WARS2: variants seen among roughly 807,000 people sequenced by gnomAD.
WARS2 encodes the protein tryptophan--tRNA ligase, mitochondrial.
A neutral mutation model predicts 36.5 loss-of-function variants in WARS2; 28 were observed. The observed-to-expected ratio is 0.77, with a 90% CI of 0.57 to 1.05. The LOEUF (loss-of-function observed/expected upper bound fraction) is 1.05. Ranked by LOEUF, WARS2 falls within the 50% of genes least tolerant of loss-of-function variation. WARS2 has a pLI of 0.00. For synonymous variants in WARS2, 174 were observed against 178.4 expected (o/e 0.98, Z 0.20); for missense variants, 435 against 456.8 (o/e 0.95, Z 0.44).
intron 1 of WARS2, among the ~76,000 whole-genome samples, chr1:119,130,489 A>G (rs1040406308): frequency 6.6e-6 from 1 of 152,220 alleles, no homozygotes; most frequent in African/African-American, 2.4e-5. Context: ...TGAAATTCAT[A>G]CCCTCTCAGA....
intron 1 of WARS2, among the ~76,000 whole-genome samples, chr1:119,119,274 A>G (rs1436132816): frequency 2.6e-5 from 4 of 152,140 alleles, no homozygotes; most frequent in Non-Finnish European, 5.9e-5. Flanking sequence ...GGTAGCTATT[A>G]TATCAGACAA....
intron 2 of WARS2, among the ~76,000 whole-genome samples, chr1:119,055,122 G>A (rs1366951307): frequency 3.3e-5 from 5 of 152,110 alleles, no homozygotes; most frequent in Non-Finnish European, 5.9e-5. Context: ...GGAAAAAATG[G>A]TAAATTTTAT....
At chr1:119,127,238 CTT>C (rs1225082793) in intron 1 of WARS2, 1 of 768,036 alleles carries the variant, frequency 1.3e-6, no homozygotes, top group Non-Finnish European at 2.3e-6. Flanking sequence ...CCACTTTCTT[CTT>C]GGCTCCCTTT....
chr1:119,120,558 C>T (rs112005847), intron 1 of WARS2, among the ~76,000 whole-genome samples: 69 of 151,968 alleles, frequency 4.5e-4, no homozygotes, highest in African/African-American at 1.5e-3. Flanking sequence ...ATGAAAACAT[C>T]ATTACCCTAA....
At chr1:119,094,463 T>A (rs1015096855) in intron 1 of WARS2, among the ~76,000 whole-genome samples, 3 of 152,082 alleles carry the variant, frequency 2.0e-5, no homozygotes, top group Admixed American at 6.6e-5. Flanking sequence ...GTTTTTTTTT[T>A]AAATAAGCAG....
intron 1 of WARS2, among the ~76,000 whole-genome samples, chr1:119,115,479 G>A (rs587677894): frequency 2.4e-3 from 370 of 152,216 alleles, no homozygotes; most frequent in Non-Finnish European, 4.4e-3. Flanking sequence ...TTGATGCCCT[G>A]ACATGTTATT....
chr1:119,068,171 A>G (rs1381263841), intron 2 of WARS2, among the ~76,000 whole-genome samples: 1 of 152,210 alleles, frequency 6.6e-6, no homozygotes, highest in African/African-American at 2.4e-5. Context: ...GAGCTGAAAG[A>G]GCACCTATTG....
chr1:119,098,658 C>T (rs1290819930), intron 1 of WARS2, among the ~76,000 whole-genome samples: 2 of 152,090 alleles, frequency 1.3e-5, no homozygotes, highest in African/African-American at 2.4e-5. Flanking sequence ...AGACTAGTCT[C>T]GAACTCCTGA....
At chr1:119,057,888 A>G (rs1649974654) in intron 2 of WARS2, among the ~76,000 whole-genome samples, 1 of 152,106 alleles carries the variant, frequency 6.6e-6, no homozygotes, top group African/African-American at 2.4e-5. Context: ...TACTGTGAAT[A>G]TTTGCTCCCA....
At chr1:119,071,714 A>G (rs12086549) in intron 2 of WARS2, among the ~76,000 whole-genome samples, 1 of 152,042 alleles carries the variant, frequency 6.6e-6, no homozygotes, top group African/African-American at 2.4e-5. Context: ...AAAAAAAGTT[A>G]GACGAGAGGA....
chr1:119,136,378 T>G (rs1222564415), intron 1 of WARS2, among the ~76,000 whole-genome samples: 1 of 152,228 alleles, frequency 6.6e-6, no homozygotes, highest in African/African-American at 2.4e-5. Context: ...AAAGCTATAT[T>G]GCAAAGAATT....
chr1:119,140,259 T>C (rs990076159), intron 1 of WARS2: 5 of 316,864 alleles, frequency 1.6e-5, no homozygotes, highest in Admixed American at 4.8e-5. Context: ...ACACGCGGGG[T>C]AGGCTCACCG....
At chr1:119,101,830 G>A (rs1019792490) in intron 1 of WARS2, among the ~76,000 whole-genome samples, 7 of 152,238 alleles carry the variant, frequency 4.6e-5, no homozygotes, top group African/African-American at 7.2e-5. Context: ...GCTACAAGCC[G>A]CAGAACAATG....
chr1:119,097,005 T>TA (rs1180774798), intron 1 of WARS2, among the ~76,000 whole-genome samples: 4 of 152,158 alleles, frequency 2.6e-5, no homozygotes, highest in African/African-American at 9.7e-5. Context: ...AGACTTTTGT[T>TA]TTGCTGTTAC....
intron 1 of WARS2, among the ~76,000 whole-genome samples, chr1:119,087,650 T>C (rs1051139276): frequency 1.3e-5 from 2 of 152,210 alleles, no homozygotes; most frequent in Non-Finnish European, 1.5e-5. Flanking sequence ...TGATTTTGTA[T>C]TAGAAAGGAC....
chr1:119,083,164 G>C (rs1272450605), intron 1 of WARS2, among the ~76,000 whole-genome samples: 1 of 152,192 alleles, frequency 6.6e-6, no homozygotes, highest in Non-Finnish European at 1.5e-5. Flanking sequence ...GGGAGGCAGA[G>C]GTTGCAGTGA....
intron 2 of WARS2, among the ~76,000 whole-genome samples, chr1:119,065,739 T>G (rs1650789482): frequency 6.6e-6 from 1 of 151,842 alleles, no homozygotes; most frequent in African/African-American, 2.4e-5. Context: ...CTAACAAAAT[T>G]TATCAAGAGG....
At chr1:119,119,152 C>G (rs1237816340) in intron 1 of WARS2, among the ~76,000 whole-genome samples, 1 of 151,988 alleles carries the variant, frequency 6.6e-6, no homozygotes, top group African/African-American at 2.4e-5. Flanking sequence ...TAAGAATTCA[C>G]CAACCAAGTA....
chr1:119,043,703 A>G (rs1648561234), intron 3 of WARS2, among the ~76,000 whole-genome samples: 1 of 152,214 alleles, frequency 6.6e-6, no homozygotes, highest in Non-Finnish European at 1.5e-5. Context: ...TTGAAGAAGA[A>G]CCCAATTTTT....
Sources: gnomAD v4.1 joint callset for allele counts (sites outside exome capture counted in the v4.1 genomes callset) on GRCh38, gnomAD v4.1.1 for gene constraint, MANE v1.5 for transcripts, NCBI Gene and HGNC (gene_info 2026-07-23, HGNC 2026-07-21) for gene names.